The following DAB1 variants were observed in gnomAD, a reference collection of about 807,000 sequenced individuals.
The protein encoded by DAB1 is DAB adaptor protein 1, also known as disabled homolog 1.
A neutral mutation model predicts 64.6 loss-of-function variants in DAB1; 15 were observed. The ratio of observed to expected loss-of-function variants is 0.23; its 90% CI spans 0.16 to 0.36. The LOEUF is 0.36. Among genes scored for constraint, DAB1 ranks in the 10% least tolerant of loss-of-function variants. DAB1 has a pLI of 1.00. For missense variants in DAB1, 596 were observed against 706.7 expected, an observed-to-expected ratio of 0.84 and a Z score of 1.78; for synonymous variants, 235 against 251.9, an observed-to-expected ratio of 0.93 and a Z score of 0.64.
chr1:57,170,779 G>A (rs867377781), intron 2 of DAB1, among the ~76,000 whole-genome samples: 27 of 152,124 alleles, frequency 1.8e-4, no homozygotes, highest in African/African-American at 6.3e-4. Flanking sequence ...TCCCTGAAAG[G>A]CTGATACAGA....
chr1:58,039,977 A>G (rs1473198582), intron 5 of DAB1, among the ~76,000 whole-genome samples: 1 of 152,188 alleles, frequency 6.6e-6, no homozygotes, highest in Non-Finnish European at 1.5e-5. Flanking sequence ...AAAAAAATAT[A>G]TAAAATTTTA....
chr1:57,876,237 T>C (rs1644043671), intron 1 of DAB1: 1 of 152,214 alleles, frequency 6.6e-6, no homozygotes, highest in South Asian at 2.1e-4. Flanking sequence ...TAGGCAACCA[T>C]AACACATCTG....
At chr1:57,563,009 T>C (rs1645071133) in intron 7 of DAB1, among the ~76,000 whole-genome samples, 2 of 152,234 alleles carry the variant, frequency 1.3e-5, no homozygotes, top group Middle Eastern at 6.8e-3. Context: ...CCATGCCCTG[T>C]GATTAAGGTC....
intron 1 of DAB1, among the ~76,000 whole-genome samples, chr1:57,338,720 G>A (rs936331591): frequency 6.6e-6 from 1 of 152,154 alleles, no homozygotes; most frequent in African/African-American, 2.4e-5. Context: ...ATGTGATAAT[G>A]GAAAAACTAT....
chr1:57,564,321 C>T (rs939715152), intron 7 of DAB1, among the ~76,000 whole-genome samples: 2 of 152,124 alleles, frequency 1.3e-5, no homozygotes, highest in African/African-American at 4.8e-5. Context: ...TTAGATAAAA[C>T]CACAAAGATG....
chr1:58,017,202 C>T (rs1388929215), intron 5 of DAB1, among the ~76,000 whole-genome samples: 4 of 151,844 alleles, frequency 2.6e-5, no homozygotes, highest in Admixed American at 6.6e-5. Context: ...TCAATCAGTT[C>T]GCAGGATGAC....
chr1:57,019,260 A>G (rs1330434687), intron 11 of DAB1, among the ~76,000 whole-genome samples: 1 of 151,900 alleles, frequency 6.6e-6, no homozygotes, highest in Admixed American at 6.5e-5. Flanking sequence ...CATTCACTGC[A>G]TTTTTCCCGG....
intron 2 of DAB1, among the ~76,000 whole-genome samples, chr1:58,507,130 T>G (rs1646001668): frequency 6.6e-6 from 1 of 151,960 alleles, no homozygotes; most frequent in Admixed American, 6.6e-5. Context: ...TTAAAATTAT[T>G]TTTAAATCCT....
chr1:57,491,904 T>C (rs934993977), intron 7 of DAB1, among the ~76,000 whole-genome samples: 5 of 152,112 alleles, frequency 3.3e-5, no homozygotes, highest in African/African-American at 7.2e-5. Flanking sequence ...AGTGAGATTC[T>C]AGAAGGCAGA....
At chr1:58,232,403 C>T (rs1557706536) in intron 4 of DAB1, among the ~76,000 whole-genome samples, 1 of 151,520 alleles carries the variant, frequency 6.6e-6, no homozygotes, top group Non-Finnish European at 1.5e-5. Context: ...GAGTAGACTT[C>T]CCCAGGACCA....
chr1:57,552,178 T>C lies in DAB1; in HGVS notation n.625+97414A>G, dbSNP rs573054259. ...TCTCACAATTGGGACACTCCAAAAG[T>C]AGGTTAGCTTCTTCAGACCCTACTG... On this transcript the variant is annotated intron_variant and non_coding_transcript_variant, in intron 7 of 20. Coordinates refer to the DAB1 transcript ENST00000485760. 3.9e-5 allele frequency among the ~76,000 whole-genome samples: 6 copies of C among 152,292 alleles called. No homozygotes were observed. The East Asian group carries it at 1.2e-3, about 29-fold the overall frequency.
At chr1:58,414,769 CA>C (rs1411382927) in intron 3 of DAB1, among the ~76,000 whole-genome samples, 1 of 147,930 alleles carries the variant, frequency 6.8e-6, no homozygotes, top group Non-Finnish European at 1.5e-5. Flanking sequence ...AAGTAGAAAG[CA>C]AAAAAATTAA....
chr1:57,443,365 G>C (rs1207050429), intron 7 of DAB1, among the ~76,000 whole-genome samples: 1 of 152,198 alleles, frequency 6.6e-6, no homozygotes, highest in Non-Finnish European at 1.5e-5. Flanking sequence ...AAGAGATGTT[G>C]CTGGAAACAC....
intron 5 of DAB1, among the ~76,000 whole-genome samples, chr1:57,990,084 C>T (rs929345265): frequency 1.3e-5 from 2 of 152,110 alleles, no homozygotes; most frequent in Admixed American, 1.3e-4. Flanking sequence ...TGAAAGACTG[C>T]AGAGGGAGGA....
At chr1:57,205,683 G>A (rs963507782) in intron 2 of DAB1, among the ~76,000 whole-genome samples, 2 of 152,174 alleles carry the variant, frequency 1.3e-5, no homozygotes, top group African/African-American at 4.8e-5. Flanking sequence ...GAAAACTGAT[G>A]CTCAAAAGAG....
chr1:58,280,472 A>G (rs1049951013), intron 4 of DAB1, among the ~76,000 whole-genome samples: 2 of 152,210 alleles, frequency 1.3e-5, no homozygotes, highest in African/African-American at 4.8e-5. Flanking sequence ...CTTTGTGTGT[A>G]AAATGGGGAT....
At chr1:57,223,618 G>C (rs1306770188) in intron 2 of DAB1, among the ~76,000 whole-genome samples, 1 of 152,138 alleles carries the variant, frequency 6.6e-6, no homozygotes, top group African/African-American at 2.4e-5. Flanking sequence ...ATGATCCCTG[G>C]GCAGGCACTA....
chr1:57,118,774 A>G (rs900554508), intron 4 of DAB1, among the ~76,000 whole-genome samples: 2 of 152,178 alleles, frequency 1.3e-5, no homozygotes, highest in African/African-American at 4.8e-5. Context: ...GGCACTTTAC[A>G]TATATTACCT....
intron 1 of DAB1, among the ~76,000 whole-genome samples, chr1:57,315,540 T>C (rs1362903482): frequency 6.6e-6 from 1 of 152,192 alleles, no homozygotes; most frequent in Non-Finnish European, 1.5e-5. Context: ...TCTCGCTCTG[T>C]CACCCAGGCT....
Sources: gnomAD v4.1 joint callset for allele counts (sites outside exome capture counted in the v4.1 genomes callset) on GRCh38, gnomAD v4.1.1 for gene constraint, MANE v1.5 for transcripts, NCBI Gene and HGNC (gene_info 2026-07-23, HGNC 2026-07-21) for gene names.